The following ZNF605 variants were observed in gnomAD, a reference collection of about 807,000 sequenced individuals.
ZNF605 encodes zinc finger protein 605.
In ZNF605, 9 loss-of-function variants were observed where a neutral mutation model predicts 7.9. That is an observed-to-expected ratio of 1.14 (90% confidence interval 0.68 to 1.98). The LOEUF (loss-of-function observed/expected upper bound fraction) is 1.98. Among genes scored for constraint, ZNF605 ranks in the 30% most tolerant of loss-of-function variants. ZNF605 has a pLI of 0.00. For synonymous variants in ZNF605, 255 were observed against 260.1 expected (o/e 0.98, Z 0.19); for missense variants, 673 against 762.4 (o/e 0.88, Z 1.38).
At chr12:132,927,281 A>T in intron 4 of ZNF605, 119 bp from the exon 5 acceptor site, 1 of 631,602 alleles carries the variant, frequency 1.6e-6, no homozygotes, top group Admixed American at 3.7e-5. Flanking sequence ...AATAATGTGT[A>T]CTTATTGGGC....
chr12:132,943,538 GC>G (rs1334329412), intron 3 of ZNF605, among the ~76,000 whole-genome samples: 1 of 152,048 alleles, frequency 6.6e-6, no homozygotes, highest in Non-Finnish European at 1.5e-5. Flanking sequence ...TCACACATTT[GC>G]CCTTCTTACC....
In ZNF605 at chr12:132,926,687, T is replaced by G. The variant is rs923450689; in HGVS notation, c.612A>C (p.Lys204Asn). The G allele has an allele frequency of 2.2e-5, 35 of 1,614,010 alleles. No homozygotes were observed. The highest frequency in any genetic ancestry group is 2.9e-5 in the Non-Finnish European group (34 of 1,180,026). The change falls in exon 5 of 5, where the codon AAA (lysine) becomes AAC (asparagine). Residue 204 changes from lysine (K) to asparagine (N), a missense_variant. Coordinates refer to ENST00000360187, the MANE Select transcript of ZNF605 (RefSeq NM_183238.4). Reference protein sequence around the residue: ...EKPYQCSECGKAFSQKSLLTV... With the variant: ...EKPYQCSECGNAFSQKSLLTV... The stretch of plus-strand genomic sequence containing the variant: ...TGAGCAGTGACTTCTGTGAAAAGGC[T>G]TTTCCACACTCACTGCATTGATAGG...
intron 3 of ZNF605, among the ~76,000 whole-genome samples, chr12:132,937,687 T>C (rs1454735379): frequency 6.6e-6 from 1 of 152,256 alleles, no homozygotes; most frequent in African/African-American, 2.4e-5. Context: ...ATTCCACTCC[T>C]AGGTGTTTAC....
chr12:132,919,228 GCTTT>G lies in ZNF605; in HGVS notation c.*6141_*6144del, dbSNP rs1240025402. 1 of 151,936 alleles carries G rather than the reference GCTTT, an allele frequency of 6.6e-6. No individual in the cohort carries two copies. The highest frequency in any genetic ancestry group is 1.5e-5 in the Non-Finnish European group (1 of 68,004). 9.4% of individuals were successfully genotyped at this position (151,936 alleles called of 1,614,324 possible). A position where few individuals can be genotyped will look rare whatever the true frequency, so the allele number is the denominator to read the frequency against. Reference sequence around the variant, plus strand: ...CTTTTAGTGATAGGAATGCTTACTTGCTTTATTAATTATTTTTGTGGAGAACAAA... The same window carrying G: ...CTTTTAGTGATAGGAATGCTTACTTGATTAATTATTTTTGTGGAGAACAAA... On this transcript the variant is annotated 3_prime_UTR_variant, in exon 5 of 5. Coordinates refer to ENST00000360187, the MANE Select transcript of ZNF605 (RefSeq NM_183238.4).
intron 3 of ZNF605, chr12:132,945,305 G>T: frequency 9.6e-6 from 9 of 935,802 alleles, no homozygotes; most frequent in Non-Finnish European, 1.4e-5. Flanking sequence ...GTGCTTCTTT[G>T]GACATCTTCT....
At position 132,941,815 on chromosome 12, in the gene ZNF605, C is replaced by G. The variant is rs1317091846; in HGVS notation, c.15+3806G>C. Among the ~76,000 whole-genome samples the G allele has an allele frequency of 1.3e-5, 2 of 151,748 alleles. No homozygotes were observed. The highest frequency in any genetic ancestry group is 2.9e-5 in the Non-Finnish European group (2 of 67,898). On this transcript the variant is annotated intron_variant, in intron 3 of 4. Transcript: ENST00000360187. This position sits in a 1 kb window ranked among gnomAD's most constrained non-coding sequence, Gnocchi z 5.1. ...CTTTTCCAGGCTGCCCTCTGTCACG[C>G]TCCTTCTCGAGGCTGCCCTCCATCA... is the stretch of plus-strand genomic sequence containing the variant.
At position 132,921,075 on chromosome 12, in the gene ZNF605, C is replaced by T. The variant is rs192222860; in HGVS notation, c.*4298G>A. 4 of 152,356 alleles carry T rather than the reference C, an allele frequency of 2.6e-5. No homozygotes were observed. In the East Asian group the frequency reaches 7.7e-4, roughly 29 times the overall value. 9.4% of individuals were successfully genotyped at this position (152,356 alleles called of 1,614,324 possible). Reference sequence around the variant, plus strand: ...CTCCTGAACTCAGGTGATCCACCCACCTCGGCCTCCCAAAGTGCTGGGATT... The same window carrying T: ...CTCCTGAACTCAGGTGATCCACCCATCTCGGCCTCCCAAAGTGCTGGGATT... On this transcript the variant is annotated 3_prime_UTR_variant, in exon 5 of 5. Coordinates refer to ENST00000360187, the MANE Select transcript of ZNF605 (RefSeq NM_183238.4).
intron 3 of ZNF605, among the ~76,000 whole-genome samples, chr12:132,939,879 C>T (rs1192683695): frequency 4.9e-5 from 6 of 123,394 alleles, no homozygotes; most frequent in African/African-American, 1.6e-4. Context: ...CCGGGAGGAA[C>T]GAACACTCCA....
intron 3 of ZNF605, among the ~76,000 whole-genome samples, chr12:132,936,927 C>T (rs917736852): frequency 3.4e-4 from 52 of 152,258 alleles, no homozygotes; most frequent in Admixed American, 1.1e-3. Context: ...AGAGAAGGCA[C>T]GGCACAGACT....
rs970549213 is a variant in ZNF605, at chr12:132,937,255, A to C, written c.16-4100T>G. 3.3e-3 allele frequency among the ~76,000 whole-genome samples: 507 copies of C among 151,360 alleles called. 2 individuals carry two copies. The highest frequency in any genetic ancestry group is 0.017 in the Middle Eastern group (5 of 294). ...GCACCTGTAATCCTACCTACTGGGA[A>C]GGCTAAGGGAGGATAATTGCTTGAA... On this transcript the variant is annotated intron_variant, in intron 3 of 4. Transcript: ENST00000360187.
chr12:132,944,090 C>T (rs1180912032), intron 3 of ZNF605, among the ~76,000 whole-genome samples: 1 of 152,142 alleles, frequency 6.6e-6, no homozygotes, highest in Non-Finnish European at 1.5e-5. Flanking sequence ...TGTGGCTGAG[C>T]ACATCTCCCT....
rs1010639793 is a variant in ZNF605, at chr12:132,951,843, G to A, written c.-285-3573C>T. Among the ~76,000 whole-genome samples, 256 of 149,872 alleles carry A rather than the reference G, an allele frequency of 1.7e-3. 2 individuals carry two copies. The East Asian group carries it at 0.035, about 20-fold the overall frequency. On this transcript the variant is annotated intron_variant, in intron 1 of 4. Transcript: ENST00000360187. The stretch of plus-strand genomic sequence containing the variant: ...ACATACACCACACATACACATACAC[G>A]CATACATCACACACTATACTCACAC...
intron 1 of ZNF605, among the ~76,000 whole-genome samples, chr12:132,952,388 G>A (rs1046141949): frequency 1.1e-4 from 16 of 149,514 alleles, no homozygotes; most frequent in Non-Finnish European, 2.1e-4. Context: ...TGGAACCCAG[G>A]AGATGGAGGT....
At chr12:132,935,275 G>A (rs1040724867) in intron 3 of ZNF605, among the ~76,000 whole-genome samples, 3 of 152,050 alleles carry the variant, frequency 2.0e-5, no homozygotes, top group African/African-American at 7.2e-5. Flanking sequence ...GGAGTACTCC[G>A]TGTGTGGGTC....
At chr12:132,947,772 G>GTT (rs78463930) in intron 2 of ZNF605, among the ~76,000 whole-genome samples, 17 of 144,668 alleles carry the variant, frequency 1.2e-4, no homozygotes, top group East Asian at 2.0e-4. Flanking sequence ...TTTTTCAAAA[G>GTT]TTTTTTTTTT....
intron 3 of ZNF605, among the ~76,000 whole-genome samples, chr12:132,939,456 A>G (rs1174995815): frequency 8.5e-5 from 13 of 152,240 alleles, no homozygotes; most frequent in African/African-American, 2.9e-4. Context: ...TGTTTTGCTC[A>G]AGGTTTGTGA....
chr12:132,926,618 G>A lies in ZNF605; in HGVS notation c.681C>T (p.Cys227=). Residue 227 remains cysteine, a synonymous_variant, in exon 5 of 5, where the codon TGC becomes TGT. Coordinates refer to ENST00000360187, the MANE Select transcript of ZNF605 (RefSeq NM_183238.4). The part of the protein sequence containing the change: ...RTHSGEKPHG[C]SECQKAFSRK... ...TACTAAAAGCTTTCTGACATTCGCT[G>A]CACCCATGCGGTTTTTCTCCTGAGT... 3 of 1,614,134 alleles carry A rather than the reference G, an allele frequency of 1.9e-6. No homozygotes were observed. Among genetic ancestry groups the A allele is most frequent in the Non-Finnish European group, 2.5e-6 (3 of 1,180,022 alleles).
At chr12:132,952,182 C>A (rs947806658) in intron 1 of ZNF605, among the ~76,000 whole-genome samples, 1 of 151,912 alleles carries the variant, frequency 6.6e-6, no homozygotes, top group Non-Finnish European at 1.5e-5. Flanking sequence ...GTGGGCCAGG[C>A]GCGGTGGCTC....
Position 132,929,139 on chromosome 12 carries a change from G to T in ZNF605, c.137-1977C>A, listed in dbSNP as rs755817011. Among the ~76,000 whole-genome samples the T allele has an allele frequency of 1.8e-3, 280 of 152,064 alleles. 1 individual carries two copies. Among genetic ancestry groups the T allele is most frequent in the Non-Finnish European group, 3.3e-3 (226 of 67,958 alleles). On this transcript the variant is annotated intron_variant, in intron 4 of 4. Transcript: ENST00000360187. ...TCAGATGAAGCAGGCTGGCTGCGGT[G>T]ACTGATGCCTGGAATCCCAGCACTT...
Sources: allele counts gnomAD v4.1 joint callset (sites outside exome capture counted in the v4.1 genomes callset), GRCh38; gene constraint gnomAD v4.1.1; non-coding constraint Gnocchi (gnomAD v3.1); transcripts MANE v1.5; gene names NCBI Gene and HGNC (gene_info 2026-07-23, HGNC 2026-07-21).